The following EDRF1 variants were observed in gnomAD, a reference collection of about 807,000 sequenced individuals.
The protein encoded by EDRF1 is erythroid differentiation-related factor 1.
Under a neutral mutation model 148.7 loss-of-function variants are expected in EDRF1, and 69 were observed. That is an observed-to-expected ratio of 0.46 (90% confidence interval 0.38 to 0.57). The LOEUF (loss-of-function observed/expected upper bound fraction) is 0.57, where lower values mean the gene tolerates loss of function less well. Among genes scored for constraint, EDRF1 ranks in the 20% least tolerant of loss-of-function variants. The pLI, the probability that EDRF1 is intolerant of heterozygous loss-of-function variation, is 0.00. For synonymous variants in EDRF1, 515 were observed against 532.8 expected, an observed-to-expected ratio of 0.97 and a Z score of 0.46; for missense variants, 1,118 against 1,478.7, an observed-to-expected ratio of 0.76 and a Z score of 4.00.
chr10:125,721,467 T>G, intron 2 of EDRF1, 55 bp downstream of exon 2: 30 of 1,502,434 alleles, frequency 2.0e-5, no homozygotes, highest in Non-Finnish European at 2.7e-5. Context: ...CTTAAAACTC[T>G]TATTTGCTTT....
chr10:125,720,280 G>A (rs577189567), intron 1 of EDRF1, among the ~76,000 whole-genome samples: 5 of 152,136 alleles, frequency 3.3e-5, no homozygotes, highest in Non-Finnish European at 7.4e-5. Context: ...TGCAGAAGAG[G>A]TACTGCGTGA....
At chr10:125,736,444 C>T (rs1377708751) in intron 13 of EDRF1, among the ~76,000 whole-genome samples, 1 of 152,182 alleles carries the variant, frequency 6.6e-6, no homozygotes, top group African/African-American at 2.4e-5. Context: ...ACTCTACCAT[C>T]AGTGTATCTC....
At chr10:125,720,608 C>T (rs962863073) in intron 1 of EDRF1, among the ~76,000 whole-genome samples, 2 of 152,008 alleles carry the variant, frequency 1.3e-5, no homozygotes, top group East Asian at 3.9e-4. Context: ...TCGGGGAGTT[C>T]GAGACCAGCC....
chr10:125,754,152 G>A (rs1254650555), intron 24 of EDRF1, among the ~76,000 whole-genome samples: 2 of 151,266 alleles, frequency 1.3e-5, no homozygotes, highest in African/African-American at 4.9e-5. Context: ...GGAGGTGGAG[G>A]TTGCAGCGAG....
chr10:125,720,129 C>T (rs555854317), intron 1 of EDRF1, among the ~76,000 whole-genome samples: 4 of 152,258 alleles, frequency 2.6e-5, no homozygotes, highest in African/African-American at 4.8e-5. Context: ...TACGATCTTT[C>T]CTCTCAAGGA....
chr10:125,724,052 A>G (rs1848139484), intron 4 of EDRF1, 116 bp downstream of exon 4: 1 of 1,195,732 alleles, frequency 8.4e-7, no homozygotes, highest in Non-Finnish European at 1.2e-6. Flanking sequence ...TCAACAATCG[A>G]GAAATTGAAA....
At chr10:125,729,300 CATGGGGGGA>C in intron 7 of EDRF1, 49 bp from the exon 8 acceptor site, 1 of 1,595,144 alleles carries the variant, frequency 6.3e-7, no homozygotes, top group South Asian at 1.1e-5. Flanking sequence ...TTTTATGGAT[CATGGGGGGA>C]AATTACAGAT....
chr10:125,725,261 G>A, intron 4 of EDRF1, 57 bp from the exon 5 acceptor site: 3 of 1,604,468 alleles, frequency 1.9e-6, no homozygotes, highest in Non-Finnish European at 2.6e-6. Context: ...CTAGTACTAG[G>A]TAACATTGTT....
At chr10:125,725,201 G>A in intron 4 of EDRF1, 117 bp from the exon 5 acceptor site, 1 of 1,210,140 alleles carries the variant, frequency 8.3e-7, no homozygotes, top group Non-Finnish European at 1.2e-6. Context: ...TTTTTAATGA[G>A]TATGTGTTTA....
chr10:125,729,743 T>G (rs909476848), intron 8 of EDRF1, among the ~76,000 whole-genome samples: 1 of 152,242 alleles, frequency 6.6e-6, no homozygotes, highest in Non-Finnish European at 1.5e-5. Context: ...CAGCAGATGC[T>G]GAAAGGCAGG....
intron 9 of EDRF1, 95 bp downstream of exon 9, chr10:125,730,494 A>G (rs1589828254): frequency 3.1e-6 from 3 of 976,512 alleles, no homozygotes. Context: ...ACTAAGGTGC[A>G]TTTTTGCCAG....
At chr10:125,721,484 C>T in intron 2 of EDRF1, 72 bp downstream of exon 2, 1 of 1,391,500 alleles carries the variant, frequency 7.2e-7, no homozygotes, top group Non-Finnish European at 1.0e-6. Context: ...CTTTTAAATT[C>T]AGTTTGTAAT....
intron 12 of EDRF1, 77 bp downstream of exon 12, chr10:125,734,260 T>G (rs1050035682): frequency 4.5e-6 from 5 of 1,105,196 alleles, no homozygotes; most frequent in Non-Finnish European, 6.9e-6. Context: ...CAGTAAAGCC[T>G]CCTGATTCAT....
chr10:125,738,357 C>T lies in EDRF1; in HGVS notation c.1893C>T (p.Ser631=), dbSNP rs769238646. The T allele has an allele frequency of 1.9e-6, 3 of 1,614,104 alleles. No individual in the cohort carries two copies. The highest frequency in any genetic ancestry group is 2.2e-5 in the East Asian group (1 of 44,886). ...GCGACCTTCCAGCAGCTGACCCCAG[C>T]ACTCCAATCCCGTTAAAATATGAAG... ...KESDLPAADP[S]TPIPLKYEDE... The change falls in exon 15 of 25, where the codon AGC becomes AGT. Residue 631 remains serine, a synonymous_variant. Transcript: ENST00000356792.
chr10:125,735,865 A>G lies in EDRF1; in HGVS notation c.1719A>G (p.Leu573=), dbSNP rs76985780. Residue 573 remains leucine (L), a synonymous_variant, in exon 13 of 25, where the codon CTA becomes CTG. Coordinates refer to ENST00000356792, the MANE Select transcript of EDRF1 (RefSeq NM_001202438.2). The part of the protein sequence containing the change: ...AVAIIKSVGE[L]SVPEKYKSIH... ...CTATAATCAAGTCTGTTGGAGAACT[A>G]TCAGTACCAGAAAAATACAAATCTA... 6.8e-5 allele frequency: 109 copies of G among 1,612,264 alleles called. No homozygotes were observed. The highest frequency in any genetic ancestry group is 1.3e-4 in the African/African-American group (10 of 74,996).
At chr10:125,742,664 GCAGCCTCTT>G in intron 17 of EDRF1, 16 of 985,146 alleles carry the variant, frequency 1.6e-5, no homozygotes, top group Non-Finnish European at 1.9e-5. Flanking sequence ...GGCTTCTGTA[GCAGCCTCTT>G]CAGTGACTTA....
chr10:125,736,756 G>A (rs190656445), intron 13 of EDRF1, among the ~76,000 whole-genome samples: 2 of 151,692 alleles, frequency 1.3e-5, no homozygotes, highest in Admixed American at 1.3e-4. Flanking sequence ...CTTTGTATTT[G>A]CTGTTGCTTC....
intron 17 of EDRF1, chr10:125,741,458 C>G: frequency 2.2e-6 from 1 of 462,976 alleles, no homozygotes; most frequent in East Asian, 5.3e-5. Context: ...GCTGGAATTA[C>G]AGGCATGCGC....
chr10:125,734,134 C>T lies in EDRF1; in HGVS notation c.1448C>T (p.Thr483Ile). The change falls in exon 12 of 25, where the codon ACA (threonine) becomes ATA (isoleucine). Residue 483 changes from threonine (T) to isoleucine (I), a missense_variant. Transcript: ENST00000356792. ...QNKKHYGTIR[T>I]LLLNCLKLLD... is the part of the protein sequence containing the mutation. ...AAGAAACACTATGGAACTATTAGAACATTGCTTCTTAATTGTCTGAAATTA... is the reference window on the plus strand; with the variant it reads ...AAGAAACACTATGGAACTATTAGAATATTGCTTCTTAATTGTCTGAAATTA... 1 of 1,613,190 alleles carries T rather than the reference C, an allele frequency of 6.2e-7. No homozygotes were observed. Among genetic ancestry groups the T allele is most frequent in the Non-Finnish European group, 8.5e-7 (1 of 1,179,298 alleles).
Sources: allele counts gnomAD v4.1 joint callset (sites outside exome capture counted in the v4.1 genomes callset), GRCh38; gene constraint gnomAD v4.1.1; transcripts MANE v1.5; gene names NCBI Gene and HGNC (gene_info 2026-07-23, HGNC 2026-07-21).